The following PRKN variants were observed in gnomAD, a reference collection of about 807,000 sequenced individuals.
PRKN encodes the protein parkin RBR E3 ubiquitin protein ligase.
In PRKN, 56 loss-of-function variants were observed where a neutral mutation model predicts 59.5. The observed-to-expected ratio is 0.94, with a 90% confidence interval of 0.76 to 1.18. The LOEUF (loss-of-function observed/expected upper bound fraction) is 1.18, where lower values mean the gene tolerates loss of function less well. PRKN is among the 50% of genes most tolerant of loss of function. PRKN has a pLI of 0.00. For synonymous variants in PRKN, 250 were observed against 222.1 expected (o/e 1.13, Z -1.12); for missense variants, 657 against 596.4 (o/e 1.10, Z -1.06).
intron 7 of PRKN, among the ~76,000 whole-genome samples, chr6:161,698,343 T>C (rs1786109535): frequency 6.6e-6 from 1 of 152,038 alleles, no homozygotes; most frequent in African/African-American, 2.4e-5. Flanking sequence ...ACTATACAAG[T>C]CAAGCAAAGG....
intron 2 of PRKN, among the ~76,000 whole-genome samples, chr6:162,440,169 C>T (rs1305557290): frequency 6.6e-6 from 1 of 152,074 alleles, no homozygotes; most frequent in African/African-American, 2.4e-5. Flanking sequence ...TTGCCAATAA[C>T]AAAACTGAAC....
chr6:161,678,503 A>G (rs1048428190), intron 7 of PRKN, among the ~76,000 whole-genome samples: 1 of 151,736 alleles, frequency 6.6e-6, no homozygotes, highest in Non-Finnish European at 1.5e-5. Context: ...AATACAGGTC[A>G]TATATCAATT....
intron 7 of PRKN, among the ~76,000 whole-genome samples, chr6:161,697,720 T>C (rs1462572885): frequency 6.6e-6 from 1 of 152,178 alleles, no homozygotes. Context: ...TTGACCATTA[T>C]CCAGGAAAAC....
At chr6:162,112,570 C>T (rs1419301281) in intron 4 of PRKN, among the ~76,000 whole-genome samples, 8 of 152,058 alleles carry the variant, frequency 5.3e-5, no homozygotes, top group African/African-American at 1.9e-4. Context: ...CACTCCCCAA[C>T]CTGAATTGTA....
intron 4 of PRKN, among the ~76,000 whole-genome samples, chr6:162,133,674 TGA>T (rs1439458382): frequency 6.6e-6 from 1 of 152,130 alleles, no homozygotes; most frequent in Non-Finnish European, 1.5e-5. Flanking sequence ...AGTTTTAAAA[TGA>T]GATATGGGTG....
chr6:162,380,714 C>T (rs1163463010), intron 2 of PRKN, among the ~76,000 whole-genome samples: 1 of 151,466 alleles, frequency 6.6e-6, no homozygotes, highest in African/African-American at 2.4e-5. Flanking sequence ...GGCTTCAATG[C>T]TCTCTACTGT....
chr6:162,096,979 GCCTCAGCCTC>G (rs1265038549), intron 4 of PRKN, among the ~76,000 whole-genome samples: 2 of 147,120 alleles, frequency 1.4e-5, no homozygotes, highest in African/African-American at 5.1e-5. Context: ...CCATTCTCCT[GCCTCAGCCTC>G]CCTCAGCCTC....
chr6:161,450,555 T>C (rs1389931128), intron 9 of PRKN, among the ~76,000 whole-genome samples: 1 of 150,280 alleles, frequency 6.7e-6, no homozygotes, highest in East Asian at 2.0e-4. Flanking sequence ...TAATGTTTTC[T>C]TTTTCTTCCT....
chr6:161,925,678 T>C (rs1778943558), intron 6 of PRKN, among the ~76,000 whole-genome samples: 1 of 152,224 alleles, frequency 6.6e-6, no homozygotes, highest in South Asian at 2.1e-4. Context: ...CATGGAGTTG[T>C]AACTAAGTGC....
chr6:162,527,168 T>C (rs1387399972), intron 1 of PRKN, among the ~76,000 whole-genome samples: 5 of 152,194 alleles, frequency 3.3e-5, no homozygotes, highest in African/African-American at 1.2e-4. Flanking sequence ...AACTTGAACT[T>C]TGCTTCAGAG....
At chr6:162,456,450 T>C (rs184968434) in intron 1 of PRKN, among the ~76,000 whole-genome samples, 1 of 152,302 alleles carries the variant, frequency 6.6e-6, no homozygotes, top group Non-Finnish European at 1.5e-5. Context: ...CACTAGAAAT[T>C]AATACTAAGG....
At chr6:161,744,837 A>G (rs1050835455) in intron 7 of PRKN, among the ~76,000 whole-genome samples, 2 of 152,228 alleles carry the variant, frequency 1.3e-5, no homozygotes, top group African/African-American at 4.8e-5. Flanking sequence ...GGCATTTGGA[A>G]TCACTCATTT....
chr6:162,211,583 G>A (rs1369017272), intron 3 of PRKN, among the ~76,000 whole-genome samples: 1 of 152,034 alleles, frequency 6.6e-6, no homozygotes, highest in Non-Finnish European at 1.5e-5. Context: ...ACCCTCAGAG[G>A]AATGGCATTA....
At position 161,813,960 on chromosome 6, in the gene PRKN, C is replaced by A. The variant is rs920612493; in HGVS notation, c.735-28052G>T. 3.3e-5 allele frequency among the ~76,000 whole-genome samples: 5 copies of A among 152,308 alleles called. No individual in the cohort carries two copies. In the East Asian group the frequency reaches 9.7e-4, roughly 29 times the overall value. On this transcript the variant is annotated intron_variant, in intron 6 of 11. Coordinates refer to ENST00000366898, the MANE Select transcript of PRKN (RefSeq NM_004562.3). ...GGATTGATTCTGTTTCATACTCAGA[C>A]CCCAATTCAAAGGGTCTAAAACAGG...
chr6:162,185,494 G>C (rs1783987660), intron 4 of PRKN, among the ~76,000 whole-genome samples: 1 of 152,142 alleles, frequency 6.6e-6, no homozygotes, highest in African/African-American at 2.4e-5. Flanking sequence ...CAAAACAACA[G>C]GAAGGACAAG....
chr6:161,867,747 T>TTATTTATTTATTTATGTATG (rs1562348567), intron 6 of PRKN, among the ~76,000 whole-genome samples: 1 of 145,112 alleles, frequency 6.9e-6, no homozygotes, highest in African/African-American at 2.7e-5. Context: ...TTTCATTTAT[T>TTATTTATTTATTTATGTATG]TATTTATTTA....
chr6:161,434,492 T>G (rs1372849995), intron 9 of PRKN, among the ~76,000 whole-genome samples: 1 of 152,190 alleles, frequency 6.6e-6, no homozygotes, highest in Non-Finnish European at 1.5e-5. Flanking sequence ...GGAACTGGAC[T>G]CCGATTCCTC....
At chr6:161,697,251 T>G (rs1467420525) in intron 7 of PRKN, among the ~76,000 whole-genome samples, 1 of 152,190 alleles carries the variant, frequency 6.6e-6, no homozygotes, top group Non-Finnish European at 1.5e-5. Flanking sequence ...AATGTGGAAT[T>G]TGAAGAGCTG....
Position 161,892,414 on chromosome 6 carries a change from AT to A in PRKN, c.734+80887del, listed in dbSNP as rs111858449. Among the ~76,000 whole-genome samples, 552 of 149,110 alleles carry A rather than the reference AT, an allele frequency of 3.7e-3. 19 individuals carry two copies. Among genetic ancestry groups the A allele is most frequent in the South Asian group, 0.013 (59 of 4,704 alleles). On this transcript the variant is annotated intron_variant, in intron 6 of 11. Transcript: ENST00000366898. ...GACTCCACCTCAACCAAAAAAAAAA[AT>A]AAATAAGATTAGTTGGGCATGGTGG...
Sources: allele counts gnomAD v4.1 joint callset (sites outside exome capture counted in the v4.1 genomes callset), GRCh38; gene constraint gnomAD v4.1.1; transcripts MANE v1.5; gene names NCBI Gene and HGNC (gene_info 2026-07-23, HGNC 2026-07-21).